The following IGF1R variants were observed in gnomAD, a reference collection of about 807,000 sequenced individuals.
The protein encoded by IGF1R is insulin like growth factor 1 receptor.
In IGF1R, 44 loss-of-function variants were observed where a neutral mutation model predicts 144.6. The ratio of observed to expected loss-of-function variants is 0.30; its 90% confidence interval spans 0.24 to 0.39. The LOEUF (loss-of-function observed/expected upper bound fraction) is 0.39, where lower values mean the gene tolerates loss of function less well. Ranked by LOEUF, IGF1R falls within the 10% of genes least tolerant of loss-of-function variation. IGF1R has a pLI of 1.00. For synonymous variants in IGF1R, 795 were observed against 722.8 expected (o/e 1.10, Z -1.60); for missense variants, 1,355 against 1,833.7 (o/e 0.74, Z 4.77).
At chr15:98,780,102 T>A (rs534840509) in intron 2 of IGF1R, among the ~76,000 whole-genome samples, 44 of 151,460 alleles carry the variant, frequency 2.9e-4, no homozygotes, top group Admixed American at 4.6e-4. Flanking sequence ...TTTTTTTTTT[T>A]AAATTTATGT....
At chr15:98,701,406 A>C (rs954504583) in intron 1 of IGF1R, among the ~76,000 whole-genome samples, 7 of 133,368 alleles carry the variant, frequency 5.2e-5, no homozygotes, top group African/African-American at 2.1e-4. Context: ...GCGTGATCTC[A>C]GCTCACTGCA....
At position 98,959,383 on chromosome 15, in the gene IGF1R, G is replaced by A. The variant is rs999123701; in HGVS notation, c.*1941G>A. 5.6e-5 allele frequency: 13 copies of A among 233,726 alleles called. No homozygotes were observed. In the South Asian group the frequency reaches 7.2e-4, roughly 13 times the overall value. The allele number at this position is 233,726 out of a possible 1,614,324, so 14.5% of individuals were successfully genotyped here. Reference sequence around the variant, plus strand: ...TGTGGCCCTCGCCACCCCCCTCACCGGACCGACTGACCTGTCTTTGGAACC... The same window carrying A: ...TGTGGCCCTCGCCACCCCCCTCACCAGACCGACTGACCTGTCTTTGGAACC... On this transcript the variant is annotated 3_prime_UTR_variant, in exon 21 of 21. Transcript: ENST00000650285.
intron 2 of IGF1R, among the ~76,000 whole-genome samples, chr15:98,817,883 A>C (rs1015452801): frequency 5.9e-5 from 9 of 152,008 alleles, no homozygotes; most frequent in Non-Finnish European, 1.0e-4. Context: ...GCCTCTGCCT[A>C]CTTCACCTCT....
chr15:98,919,300 CG>C (rs1403836882), intron 10 of IGF1R, among the ~76,000 whole-genome samples: 4 of 152,156 alleles, frequency 2.6e-5, no homozygotes, highest in African/African-American at 9.7e-5. Flanking sequence ...GCCCGCCACA[CG>C]GAAGGATGGA....
rs1465865801 is a variant in IGF1R at position 98,963,851 on chromosome 15, C to T, written c.*6409C>T. 2 of 233,026 alleles carry T rather than the reference C, an allele frequency of 8.6e-6. No individual in the cohort carries two copies. Among genetic ancestry groups the T allele is most frequent in the African/African-American group, 4.4e-5 (2 of 45,340 alleles). 14.4% of individuals were successfully genotyped at this position (233,026 alleles called of 1,614,324 possible). The stretch of plus-strand genomic sequence containing the variant: ...CAAAAATTGGTTTTAAAGTTGACTC[C>T]ACTTCCTCTAACTCCAGTGGATTGT... On this transcript the variant is annotated 3_prime_UTR_variant, in exon 21 of 21. Transcript: ENST00000650285.
At chr15:98,878,342 T>G (rs1462195017) in intron 2 of IGF1R, among the ~76,000 whole-genome samples, 3 of 152,224 alleles carry the variant, frequency 2.0e-5, no homozygotes, top group African/African-American at 7.2e-5. Flanking sequence ...GAAATAGGGC[T>G]GTAAGCATGA....
At chr15:98,872,854 A>C (rs1006770872) in intron 2 of IGF1R, among the ~76,000 whole-genome samples, 1 of 143,998 alleles carries the variant, frequency 6.9e-6, no homozygotes, top group African/African-American at 2.4e-5. Flanking sequence ...AAAAAAAAAA[A>C]CAAAACAGAC....
At chr15:98,751,035 C>T (rs2054997634) in intron 2 of IGF1R, among the ~76,000 whole-genome samples, 1 of 152,154 alleles carries the variant, frequency 6.6e-6, no homozygotes, top group East Asian at 1.9e-4. Flanking sequence ...AAGTGATCCA[C>T]CCACCTCGGC....
At chr15:98,702,359 T>C (rs2053757477) in intron 1 of IGF1R, among the ~76,000 whole-genome samples, 1 of 152,164 alleles carries the variant, frequency 6.6e-6, no homozygotes, top group Non-Finnish European at 1.5e-5. Flanking sequence ...ATTTTATTAT[T>C]GTTTTTTGAG....
intron 1 of IGF1R, among the ~76,000 whole-genome samples, chr15:98,685,955 T>C (rs1010701576): frequency 1.3e-5 from 2 of 152,258 alleles, no homozygotes; most frequent in Non-Finnish European, 2.9e-5. Context: ...TACATTCATA[T>C]TGTTGTGCAA....
intron 2 of IGF1R, among the ~76,000 whole-genome samples, chr15:98,859,438 TCAGA>T (rs796158291): frequency 4.6e-5 from 7 of 152,360 alleles, no homozygotes; most frequent in African/African-American, 1.4e-4. Flanking sequence ...ATGTTTGCAC[TCAGA>T]CACTCTAGAA....
chr15:98,870,702 G>C (rs890131244), intron 2 of IGF1R, among the ~76,000 whole-genome samples: 1 of 152,194 alleles, frequency 6.6e-6, no homozygotes, highest in Non-Finnish European at 1.5e-5. Context: ...CCGCATCCCA[G>C]AAGCTCAAGA....
Position 98,877,513 on chromosome 15 carries a change from T to TTTTCC in IGF1R, c.641-13812_641-13811insTTTCC, listed in dbSNP as rs773470156. 9.1e-3 allele frequency among the ~76,000 whole-genome samples: 1,011 copies of TTTTCC among 111,310 alleles called. 4 individuals are homozygous for TTTTCC. Among genetic ancestry groups the TTTTCC allele is most frequent in the Non-Finnish European group, 0.011 (620 of 57,846 alleles). 73.0% of individuals were successfully genotyped at this position (111,310 alleles called of 152,430 possible). ...CCTTTTTTTTTTTTTTTTTTTTTTTTCCCCAAAAAATTTGCTACTCTTGAG... is the reference window on the plus strand; with the variant it reads ...CCTTTTTTTTTTTTTTTTTTTTTTTTTTTCCCCCCAAAAAATTTGCTACTCTTGAG... On this transcript the variant is annotated intron_variant, in intron 2 of 20. Coordinates refer to ENST00000650285, the MANE Select transcript of IGF1R (RefSeq NM_000875.5).
intron 2 of IGF1R, among the ~76,000 whole-genome samples, chr15:98,715,877 G>C (rs923844774): frequency 6.6e-6 from 1 of 152,194 alleles, no homozygotes; most frequent in Non-Finnish European, 1.5e-5. Context: ...GGATTTTTCT[G>C]TCTGTGGCAC....
chr15:98,711,822 A>G (rs1277188142), intron 2 of IGF1R, among the ~76,000 whole-genome samples: 1 of 152,138 alleles, frequency 6.6e-6, no homozygotes, highest in Non-Finnish European at 1.5e-5. Context: ...GCTTACACAC[A>G]ACAGAAATAC....
rs1336260363 is a variant in IGF1R at position 98,959,982 on chromosome 15, TG to T, written c.*2541del. The T allele has an allele frequency of 1.3e-5, 3 of 232,678 alleles. No homozygotes were observed. The highest frequency in any genetic ancestry group is 1.3e-3 in the Middle Eastern group (1 of 798). The allele number at this position is 232,678 out of a possible 1,614,324, so 14.4% of individuals were successfully genotyped here. On this transcript the variant is annotated 3_prime_UTR_variant, in exon 21 of 21. Transcript: ENST00000650285. ...ATTTCAAGGAAAGGGTGTGTGTGTG[TG>T]TATGTGTGGGGTGTGTGTGTGTGAG...
At chr15:98,871,380 C>A (rs1266500126) in intron 2 of IGF1R, among the ~76,000 whole-genome samples, 1 of 152,218 alleles carries the variant, frequency 6.6e-6, no homozygotes, top group East Asian at 1.9e-4. Context: ...TCCATCTCAG[C>A]CCAGTAATTA....
In IGF1R at chr15:98,939,489, A is replaced by G. The variant is rs562673972; in HGVS notation, c.3457+129A>G. 3.8e-4 allele frequency: 337 copies of G among 880,834 alleles called. 2 individuals carry two copies. In the Middle Eastern group the frequency reaches 4.1e-3, roughly 11 times the overall value. 54.6% of individuals were successfully genotyped at this position (880,834 alleles called of 1,614,324 possible). On this transcript the variant is annotated intron_variant, in intron 18 of 20. Coordinates refer to ENST00000650285, the MANE Select transcript of IGF1R (RefSeq NM_000875.5). Reference sequence around the variant, plus strand: ...TGAGTGCACGGACTCCTTCTTGGGAATGATGTGATTGTCTCCAGTTGATGG... The same window carrying G: ...TGAGTGCACGGACTCCTTCTTGGGAGTGATGTGATTGTCTCCAGTTGATGG...
intron 2 of IGF1R, among the ~76,000 whole-genome samples, chr15:98,721,717 G>C (rs1436389254): frequency 6.6e-6 from 1 of 152,184 alleles, no homozygotes; most frequent in Non-Finnish European, 1.5e-5. Context: ...TTTATAAAGA[G>C]ATTTACAAAA....
Sources: gnomAD v4.1 joint callset for allele counts (sites outside exome capture counted in the v4.1 genomes callset) on GRCh38, gnomAD v4.1.1 for gene constraint, MANE v1.5 for transcripts, NCBI Gene and HGNC (gene_info 2026-07-23, HGNC 2026-07-21) for gene names.